The following REPS2 variants were observed in gnomAD, a reference collection of about 807,000 sequenced individuals.
REPS2 encodes ralBP1-associated Eps domain-containing protein 2.
A neutral mutation model predicts 53.6 loss-of-function variants in REPS2; 23 were observed. The ratio of observed to expected loss-of-function variants is 0.43; its 90% confidence interval spans 0.31 to 0.61. The LOEUF (loss-of-function observed/expected upper bound fraction) is 0.61, where lower values mean the gene tolerates loss of function less well. REPS2 is among the 20% of genes least tolerant of loss of function. REPS2 has a pLI of 0.11. For missense variants in REPS2, 446 were observed against 534.9 expected, an observed-to-expected ratio of 0.83 and a Z score of 1.64; for synonymous variants, 238 against 218.6, an observed-to-expected ratio of 1.09 and a Z score of -0.78.
chrX:17,059,172 G>A (rs1208554144), intron 8 of REPS2, among the ~76,000 whole-genome samples: 2 of 108,083 alleles, frequency 1.9e-5, no homozygotes, highest in African/African-American at 6.7e-5. Context: ...CACCATGCCC[G>A]GCTAATTTTT....
At chrX:17,037,127 T>C (rs1353265301) in intron 5 of REPS2, among the ~76,000 whole-genome samples, 4 of 110,841 alleles carry the variant, frequency 3.6e-5, no homozygotes, top group Admixed American at 1.9e-4. Flanking sequence ...TGCTTACTTA[T>C]TTTCTTCACC....
intron 14 of REPS2, among the ~76,000 whole-genome samples, chrX:17,132,152 C>G (rs1329959918): frequency 8.9e-6 from 1 of 112,089 alleles, no homozygotes; most frequent in Non-Finnish European, 1.9e-5. Context: ...TGTTTAACAA[C>G]TTTTCATGAG....
At chrX:17,029,726 T>C in intron 5 of REPS2, 103 bp downstream of exon 5, 2 of 503,894 alleles carry the variant, frequency 4.0e-6, no homozygotes, top group Non-Finnish European at 6.7e-6. Flanking sequence ...AAGGAAGATA[T>C]AAAACTGATC....
chrX:17,141,864 A>G (rs780679610), intron 17 of REPS2, among the ~76,000 whole-genome samples: 3 of 112,583 alleles, frequency 2.7e-5, no homozygotes, highest in African/African-American at 6.4e-5. Context: ...TACAAAACCA[A>G]TAAAAATCCC....
intron 14 of REPS2, among the ~76,000 whole-genome samples, chrX:17,127,069 C>T (rs913129004): frequency 1.5e-4 from 17 of 111,727 alleles, no homozygotes; most frequent in African/African-American, 5.5e-4. Flanking sequence ...AACCATTTAC[C>T]CATTATCCAG....
chrX:17,053,105 G>A (rs942380183), intron 7 of REPS2, among the ~76,000 whole-genome samples: 4 of 111,585 alleles, frequency 3.6e-5, no homozygotes, highest in Non-Finnish European at 5.6e-5. Flanking sequence ...CCAAAACTGG[G>A]CAGGAGATCG....
chrX:16,951,559 A>ACACACCGC (rs879259718), intron 1 of REPS2, among the ~76,000 whole-genome samples: 2 of 37,477 alleles, frequency 5.3e-5, no homozygotes, highest in Non-Finnish European at 1.1e-4. Context: ...ACACACACAC[A>ACACACCGC]CCCCCGCTAC....
At chrX:17,153,724 C>T (rs1403628837), downstream of REPS2, among the ~76,000 whole-genome samples, 1 of 110,888 alleles carries the variant, frequency 9.0e-6, no homozygotes, top group African/African-American at 3.3e-5. Context: ...AGGCACCTCT[C>T]CTATTGGGTG....
intron 13 of REPS2, among the ~76,000 whole-genome samples, chrX:17,081,358 A>G (rs1196778103): frequency 8.9e-6 from 1 of 112,350 alleles, no homozygotes; most frequent in African/African-American, 3.2e-5. Context: ...AGGAATAAGC[A>G]GGAAATAGAA....
At chrX:17,146,122 A>AAG (rs1360003187) in intron 17 of REPS2, among the ~76,000 whole-genome samples, 8 of 107,815 alleles carry the variant, frequency 7.4e-5, no homozygotes, top group African/African-American at 2.7e-4. Context: ...AAAAAAAAAA[A>AAG]AAAGAAAGAA....
intron 5 of REPS2, among the ~76,000 whole-genome samples, chrX:17,045,114 G>T (rs1480717173): frequency 9.6e-6 from 1 of 104,582 alleles, no homozygotes; most frequent in African/African-American, 3.3e-5. Context: ...TATTTTTTTA[G>T]TAGAGACGGG....
At chrX:17,022,926 A>G (rs1329271651) in intron 3 of REPS2, among the ~76,000 whole-genome samples, 4 of 112,208 alleles carry the variant, frequency 3.6e-5, no homozygotes, top group Non-Finnish European at 5.6e-5. Flanking sequence ...TAGACCACTA[A>G]TTGCAATGGT....
intron 1 of REPS2, among the ~76,000 whole-genome samples, chrX:16,974,078 A>T (rs184937825): frequency 9.0e-6 from 1 of 111,672 alleles, no homozygotes; most frequent in Admixed American, 9.6e-5. Context: ...TGAAAACTGT[A>T]CATAAGCACA....
chrX:17,047,240 GA>G (rs1283526605), intron 5 of REPS2, 106 bp from the exon 6 acceptor site: 3 of 891,529 alleles, frequency 3.4e-6, no homozygotes, highest in Admixed American at 2.9e-5. Flanking sequence ...TTCACCTGAG[GA>G]AAAAAATTAA....
chrX:17,097,139 G>A (rs1189110974), intron 13 of REPS2, among the ~76,000 whole-genome samples: 1 of 111,849 alleles, frequency 8.9e-6, no homozygotes, highest in Non-Finnish European at 1.9e-5. Context: ...TCTAACAAAA[G>A]AGTGATTTGA....
chrX:16,993,885 T>G (rs1291802321), intron 1 of REPS2, among the ~76,000 whole-genome samples: 4 of 112,899 alleles, frequency 3.5e-5, no homozygotes. Flanking sequence ...ATGGCAAATC[T>G]AAGCGGAAAA....
At chrX:16,976,080 C>T (rs754053365) in intron 1 of REPS2, among the ~76,000 whole-genome samples, 75 of 111,800 alleles carry the variant, frequency 6.7e-4, no homozygotes, top group African/African-American at 2.2e-3. Context: ...CAGTAACTCC[C>T]CAATTCCTTC....
At chrX:17,146,753 A>G (rs1180877651) in intron 17 of REPS2, among the ~76,000 whole-genome samples, 1 of 111,736 alleles carries the variant, frequency 8.9e-6, no homozygotes, top group Non-Finnish European at 1.9e-5. Context: ...TTTCTACAGG[A>G]TTCTTTCCCA....
Position 16,970,674 on chromosome X carries a change from A to G in REPS2, c.273+23540A>G, listed in dbSNP as rs774439399. On this transcript the variant is annotated intron_variant, in intron 1 of 17. Coordinates refer to ENST00000357277, the MANE Select transcript of REPS2 (RefSeq NM_004726.3). Reference sequence around the variant, plus strand: ...AAAAGAAACCCCATACTCACTAGCAATCACCCCCAGTTCCACCATTCCTAG... The same window carrying G: ...AAAAGAAACCCCATACTCACTAGCAGTCACCCCCAGTTCCACCATTCCTAG... Among the ~76,000 whole-genome samples, 3 of 112,424 alleles carry G rather than the reference A, an allele frequency of 2.7e-5. No homozygotes were observed. The South Asian group carries it at 1.1e-3, about 41-fold the overall frequency.
Sources: gnomAD v4.1 joint callset for allele counts (sites outside exome capture counted in the v4.1 genomes callset) on GRCh38, gnomAD v4.1.1 for gene constraint, MANE v1.5 for transcripts, NCBI Gene and HGNC (gene_info 2026-07-23, HGNC 2026-07-21) for gene names.